SEMA3A: variants seen among roughly 807,000 people sequenced by gnomAD.
The protein encoded by SEMA3A is semaphorin 3A.
In SEMA3A, 29 loss-of-function variants were observed where a neutral mutation model predicts 97.9. The ratio of observed to expected loss-of-function variants is 0.30; its 90% CI spans 0.22 to 0.40. SEMA3A has a LOEUF of 0.40. Ranked by LOEUF, SEMA3A falls within the 10% of genes least tolerant of loss-of-function variation. SEMA3A has a pLI of 1.00. For missense variants in SEMA3A, 763 were observed against 951.3 expected (o/e 0.80, Z 2.60); for synonymous variants, 321 against 323.7 (o/e 0.99, Z 0.09).
intron 4 of SEMA3A, among the ~76,000 whole-genome samples, chr7:84,062,148 T>C (rs1359500966): frequency 6.6e-6 from 1 of 152,210 alleles, no homozygotes; most frequent in Non-Finnish European, 1.5e-5. Flanking sequence ...ATTATGTTAG[T>C]ATTACCAGTA....
intron 11 of SEMA3A, among the ~76,000 whole-genome samples, chr7:84,004,619 C>T (rs1027647366): frequency 1.3e-5 from 2 of 152,120 alleles, no homozygotes; most frequent in African/African-American, 4.8e-5. Flanking sequence ...TAAAAAGCCA[C>T]TGGCCAGAAA....
chr7:84,105,715 C>T (rs553675136), intron 4 of SEMA3A, among the ~76,000 whole-genome samples: 1 of 152,118 alleles, frequency 6.6e-6, no homozygotes, highest in African/African-American at 2.4e-5. Context: ...GTTTTATTAA[C>T]AGATGTAAAT....
intron 14 of SEMA3A, among the ~76,000 whole-genome samples, chr7:83,980,208 C>CTA (rs1358737159): frequency 3.9e-5 from 6 of 151,982 alleles, no homozygotes; most frequent in African/African-American, 9.7e-5. Flanking sequence ...TTTGAAAGGG[C>CTA]TATTTTGTCA....
Position 83,984,558 on chromosome 7 carries a change from T to G in SEMA3A, c.1494+878A>C, listed in dbSNP as rs139321207. Among the ~76,000 whole-genome samples, 636 of 151,458 alleles carry G rather than the reference T, an allele frequency of 4.2e-3. 3 individuals carry two copies. Among genetic ancestry groups the G allele is most frequent in the African/African-American group, 0.015 (612 of 41,398 alleles). On this transcript the variant is annotated intron_variant, in intron 13 of 16. Transcript: ENST00000265362. The stretch of plus-strand genomic sequence containing the variant: ...CTCATTTTACAATTTTGTATATAAG[T>G]TTTTACTCTAGTAAGTGAGGCATAC...
intron 3 of SEMA3A, among the ~76,000 whole-genome samples, chr7:84,295,462 C>T (rs1199478816): frequency 2.0e-5 from 3 of 151,860 alleles, no homozygotes; most frequent in East Asian, 1.9e-4. Flanking sequence ...AAATGAAATC[C>T]GCATGTTTGC....
rs553996274 is a variant in SEMA3A at position 84,035,692 on chromosome 7, C to T, written c.667+10632G>A. ...GACCAGCTGAAGAGACCTTATTTTA[C>T]TGTGATGATAGTCCAGGGTGTCAGT... On this transcript the variant is annotated intron_variant, in intron 6 of 16. Coordinates refer to ENST00000265362, the MANE Select transcript of SEMA3A (RefSeq NM_006080.3). Among the ~76,000 whole-genome samples, 4 of 152,088 alleles carry T rather than the reference C, an allele frequency of 2.6e-5. No individual in the cohort carries two copies. The East Asian group carries it at 7.7e-4, about 29-fold the overall frequency.
At chr7:84,402,778 G>T (rs535430995) in intron 1 of SEMA3A, among the ~76,000 whole-genome samples, 1 of 152,150 alleles carries the variant, frequency 6.6e-6, no homozygotes, top group Admixed American at 6.5e-5. Context: ...ATACAACAAA[G>T]TAGAGGGCAT....
At chr7:84,272,341 T>G (rs1562881236) in intron 3 of SEMA3A, among the ~76,000 whole-genome samples, 2 of 152,120 alleles carry the variant, frequency 1.3e-5, no homozygotes, top group Non-Finnish European at 2.9e-5. Context: ...TTCAGATGCT[T>G]GCCTCTCTAA....
intron 4 of SEMA3A, among the ~76,000 whole-genome samples, chr7:84,073,730 C>T (rs1423196537): frequency 6.6e-6 from 1 of 151,874 alleles, no homozygotes; most frequent in Non-Finnish European, 1.5e-5. Flanking sequence ...GCATTATGGC[C>T]GTTTACAGGA....
chr7:83,963,503 TCAGAGCC>T (rs1429496001), intron 15 of SEMA3A, among the ~76,000 whole-genome samples, 156 bp from the exon 16 acceptor site: 1 of 152,220 alleles, frequency 6.6e-6, no homozygotes, highest in Non-Finnish European at 1.5e-5. Flanking sequence ...ATGTAAGGTT[TCAGAGCC>T]CAAATGCCTA....
At chr7:84,246,470 T>C (rs537919453) in intron 3 of SEMA3A, among the ~76,000 whole-genome samples, 45 of 152,256 alleles carry the variant, frequency 3.0e-4, no homozygotes, top group Non-Finnish European at 5.1e-4. Flanking sequence ...AATTTCAATA[T>C]ATAAAAAATG....
Position 84,410,665 on chromosome 7 carries a change from C to T in SEMA3A, c.-245-38765G>A, listed in dbSNP as rs145208465. Among the ~76,000 whole-genome samples, 702 of 152,190 alleles carry T rather than the reference C, an allele frequency of 4.6e-3. 2 individuals are homozygous for T. The highest frequency in any genetic ancestry group is 7.6e-3 in the Non-Finnish European group (515 of 68,002). On this transcript the variant is annotated intron_variant, in intron 1 of 3. Transcript: ENST00000424555. ...TCCTTTCCCAGTGTATTTATTGCTG[C>T]GTGCACCACCACATGTTTTTCGCAT... is the stretch of plus-strand genomic sequence containing the variant.
At chr7:84,137,952 G>A (rs921058234) in intron 1 of SEMA3A, among the ~76,000 whole-genome samples, 12 of 152,202 alleles carry the variant, frequency 7.9e-5, no homozygotes, top group African/African-American at 2.9e-4. Context: ...GTGCAAACTA[G>A]GACAAGTTCC....
In SEMA3A at chr7:84,279,066, CAT is replaced by C. The variant is rs564124206; in HGVS notation, c.-83+28139_-83+28140del. ...GTGAAAATAACAATTTGAAAATCAT[CAT>C]AGTCACAGTTAGGCAAAATTATCAA... On this transcript the variant is annotated intron_variant, in intron 3 of 3. Coordinates refer to the SEMA3A transcript ENST00000424555. 1.1e-3 allele frequency among the ~76,000 whole-genome samples: 171 copies of C among 152,130 alleles called. 1 individual carries two copies. The highest frequency in any genetic ancestry group is 3.9e-3 in the African/African-American group (164 of 41,526).
intron 1 of SEMA3A, among the ~76,000 whole-genome samples, chr7:84,402,939 TG>T (rs774674117): frequency 1.4e-4 from 21 of 152,010 alleles, no homozygotes; most frequent in Non-Finnish European, 2.5e-4. Context: ...GAAGACAGGT[TG>T]GTTTACAAAA....
intron 1 of SEMA3A, among the ~76,000 whole-genome samples, chr7:84,416,265 T>C (rs530778189): frequency 6.6e-6 from 1 of 152,046 alleles, no homozygotes; most frequent in Non-Finnish European, 1.5e-5. Flanking sequence ...ATCTGATGGG[T>C]GTATCGAGGA....
At chr7:84,185,640 G>C (rs1797855823) in intron 1 of SEMA3A, among the ~76,000 whole-genome samples, 2 of 138,526 alleles carry the variant, frequency 1.4e-5, no homozygotes, top group African/African-American at 5.4e-5. Context: ...ACAGTGAGCA[G>C]AGATCACGCC....
At chr7:84,180,547 G>A (rs1000540892) in intron 1 of SEMA3A, among the ~76,000 whole-genome samples, 5 of 152,054 alleles carry the variant, frequency 3.3e-5, no homozygotes, top group Non-Finnish European at 7.4e-5. Flanking sequence ...AATTAGCTGG[G>A]TGCGGTGGCA....
At chr7:84,173,285 G>A (rs1427087929) in intron 1 of SEMA3A, among the ~76,000 whole-genome samples, 1 of 152,020 alleles carries the variant, frequency 6.6e-6, no homozygotes, top group Non-Finnish European at 1.5e-5. Context: ...GCCAGGCGCG[G>A]TGGCTCACGT....
Sources: gnomAD v4.1 joint callset for allele counts (sites outside exome capture counted in the v4.1 genomes callset) on GRCh38, gnomAD v4.1.1 for gene constraint, MANE v1.5 for transcripts, NCBI Gene and HGNC (gene_info 2026-07-23, HGNC 2026-07-21) for gene names.